TNIP1: variants seen among roughly 807,000 people sequenced by gnomAD.
TNIP1 encodes the protein TNFAIP3 interacting protein 1.
Under a neutral mutation model 86.6 loss-of-function variants are expected in TNIP1, and 22 were observed. The ratio of observed to expected loss-of-function variants is 0.25; its 90% CI spans 0.18 to 0.36. TNIP1 has a LOEUF of 0.36. TNIP1 is among the 10% of genes least tolerant of loss of function. TNIP1 has a pLI of 1.00. For synonymous variants in TNIP1, 294 were observed against 313.0 expected (o/e 0.94, Z 0.64); for missense variants, 709 against 820.6 (o/e 0.86, Z 1.66).
In TNIP1 at chr5:151,049,964, C is replaced by T. The variant is rs925607693; in HGVS notation, c.723-17G>A. The T allele has an allele frequency of 4.3e-6, 7 of 1,613,672 alleles. No individual in the cohort carries two copies. In the African/African-American group the frequency reaches 9.3e-5, roughly 22 times the overall value. On this transcript the variant is annotated splice_polypyrimidine_tract_variant and intron_variant, in intron 7 of 17. Coordinates refer to ENST00000521591, the MANE Select transcript of TNIP1 (RefSeq NM_006058.5). ...TTTTCCTCCCTGGGATGGAGGTAAA[C>T]AGAGAAATCACAATGCTGACCCTGA...
At chr5:151,034,911 A>C (rs1757497820) in intron 15 of TNIP1, 91 bp downstream of exon 15, 1 of 1,445,896 alleles carries the variant, frequency 6.9e-7, no homozygotes, top group Admixed American at 1.8e-5. Context: ...GGATGTCCCC[A>C]CGCCCGAGCA....
chr5:151,039,369 C>T, intron 11 of TNIP1, 144 bp from the exon 12 acceptor site: 1 of 771,160 alleles, frequency 1.3e-6, no homozygotes. Context: ...GGGGTCGGTA[C>T]AGTAATGTCC....
intron 6 of TNIP1, among the ~76,000 whole-genome samples, chr5:151,054,847 C>T (rs1321311208): frequency 6.6e-6 from 1 of 152,184 alleles, no homozygotes; most frequent in Non-Finnish European, 1.5e-5. Flanking sequence ...TCCACCCAGG[C>T]AGTAAAAATA....
At chr5:151,058,598 G>A (rs1760986543) in intron 5 of TNIP1, among the ~76,000 whole-genome samples, 1 of 152,150 alleles carries the variant, frequency 6.6e-6, no homozygotes, top group South Asian at 2.1e-4. Context: ...ACCAGGTCTG[G>A]TGTCTCTGCA....
intron 1 of TNIP1, among the ~76,000 whole-genome samples, chr5:151,070,883 C>T (rs1762751358): frequency 6.6e-6 from 1 of 151,954 alleles, no homozygotes; most frequent in South Asian, 2.1e-4. Flanking sequence ...TTTGTCCAAA[C>T]CCATAGAACA....
intron 2 of TNIP1, among the ~76,000 whole-genome samples, chr5:151,064,007 C>T (rs773041675): frequency 6.6e-6 from 1 of 152,170 alleles, no homozygotes; most frequent in Non-Finnish European, 1.5e-5. Context: ...CCTCGGCTCC[C>T]CCAACCCCCA....
intron 8 of TNIP1, among the ~76,000 whole-genome samples, chr5:151,048,740 C>G (rs1759509829): frequency 6.6e-6 from 1 of 152,148 alleles, no homozygotes; most frequent in African/African-American, 2.4e-5. Flanking sequence ...TCTACAAGTC[C>G]CTTCCACAAG....
At chr5:151,038,887 C>T (rs1758042063) in intron 12 of TNIP1, among the ~76,000 whole-genome samples, 1 of 152,004 alleles carries the variant, frequency 6.6e-6, no homozygotes. Context: ...AAGAGTGCAC[C>T]TCCAGAGGGA....
At chr5:151,042,394 G>T in intron 11 of TNIP1, 146 bp downstream of exon 11, 2 of 983,418 alleles carry the variant, frequency 2.0e-6, no homozygotes, top group Non-Finnish European at 1.5e-6. Context: ...GTGCAGGGAA[G>T]GAACGTGCCT....
chr5:151,085,589 G>A (rs929941231), upstream of TNIP1, among the ~76,000 whole-genome samples: 3 of 152,198 alleles, frequency 2.0e-5, no homozygotes, highest in Non-Finnish European at 2.9e-5. Context: ...AGAGGAAAGG[G>A]CAAAGTGACA....
intron 1 of TNIP1, among the ~76,000 whole-genome samples, chr5:151,075,653 G>A (rs986215504): frequency 3.9e-5 from 6 of 152,240 alleles, no homozygotes; most frequent in Non-Finnish European, 8.8e-5. Context: ...TATGTTGCCA[G>A]TTTCCTGAGG....
At chr5:151,069,064 C>T (rs551238697) in intron 1 of TNIP1, among the ~76,000 whole-genome samples, 1 of 152,302 alleles carries the variant, frequency 6.6e-6, no homozygotes, top group East Asian at 1.9e-4. Context: ...AGACAGACGG[C>T]AGGTCAGGCA....
At chr5:151,046,298 AG>A in intron 8 of TNIP1, 1 of 242,416 alleles carries the variant, frequency 4.1e-6, no homozygotes, top group Non-Finnish European at 8.2e-6. Context: ...CTGGCCTGGA[AG>A]GTAAGACATT....
intron 1 of TNIP1, among the ~76,000 whole-genome samples, chr5:151,068,766 C>T (rs1762516637): frequency 6.6e-6 from 1 of 152,166 alleles, no homozygotes; most frequent in African/African-American, 2.4e-5. Flanking sequence ...CATTTCCCTT[C>T]CTGCCCAGCA....
At position 151,073,722 on chromosome 5, in the gene TNIP1, A is replaced by G. The variant is rs116182774; in HGVS notation, c.-37+7158T>C. Among the ~76,000 whole-genome samples, 976 of 152,184 alleles carry G rather than the reference A, an allele frequency of 6.4e-3. 9 individuals carry two copies. Among genetic ancestry groups the G allele is most frequent in the African/African-American group, 0.022 (930 of 41,510 alleles). ...CAGCCTGGGCAAAAAGCAAGAATAG[A>G]TTCTCTATTAAAAAAAAACTTTTTT... On this transcript the variant is annotated intron_variant, in intron 1 of 17. Coordinates refer to ENST00000521591, the MANE Select transcript of TNIP1 (RefSeq NM_006058.5).
In TNIP1 at chr5:151,060,357, C is replaced by T. The variant is rs758572091; in HGVS notation, c.396G>A (p.Glu132=). Residue 132 remains glutamate, a synonymous_variant, in exon 5 of 18, where the codon GAG becomes GAA. Coordinates refer to ENST00000521591, the MANE Select transcript of TNIP1 (RefSeq NM_006058.5). Reference sequence around the variant, plus strand: ...GGCTGCTGCTCTCTGGTGAATTCTGCTCCTCAGGAGTGACCACTTCAAATT... The same window carrying T: ...GGCTGCTGCTCTCTGGTGAATTCTGTTCCTCAGGAGTGACCACTTCAAATT... ...SSEFEVVTPE[E]QNSPESSSHA... is the part of the protein sequence containing the mutation. The T allele has an allele frequency of 6.2e-7, 1 of 1,614,196 alleles. No individual in the cohort carries two copies. The highest frequency in any genetic ancestry group is 8.5e-7 in the Non-Finnish European group (1 of 1,180,034).
At chr5:151,046,162 G>A in intron 8 of TNIP1, 1 of 557,284 alleles carries the variant, frequency 1.8e-6, no homozygotes. Context: ...CTGACTCAGG[G>A]TGGCTGCCAG....
At chr5:151,086,310 G>T (rs1764274904) in intron 1 of TNIP1, among the ~76,000 whole-genome samples, 1 of 152,206 alleles carries the variant, frequency 6.6e-6, no homozygotes, top group Non-Finnish European at 1.5e-5. Context: ...CAAAGAGGAA[G>T]CTGCGTCAGC....
At chr5:151,073,266 T>A (rs1763020330) in intron 1 of TNIP1, among the ~76,000 whole-genome samples, 1 of 149,544 alleles carries the variant, frequency 6.7e-6, no homozygotes, top group African/African-American at 2.5e-5. Flanking sequence ...GAGGTGTGAG[T>A]TACCTAAGGG....
Sources: allele counts gnomAD v4.1 joint callset (sites outside exome capture counted in the v4.1 genomes callset), GRCh38; gene constraint gnomAD v4.1.1; transcripts MANE v1.5; gene names NCBI Gene and HGNC (gene_info 2026-07-23, HGNC 2026-07-21).